The following KLF13 variants were observed in gnomAD, a reference collection of about 807,000 sequenced individuals.
KLF13 encodes Krueppel-like factor 13.
In KLF13, 8 loss-of-function variants were observed where a neutral mutation model predicts 16.7. The ratio of observed to expected loss-of-function variants is 0.48; its 90% CI spans 0.28 to 0.87. The LOEUF is 0.87. Ranked by LOEUF, KLF13 falls within the 40% of genes least tolerant of loss-of-function variation. The pLI is 0.10. For synonymous variants in KLF13, 245 were observed against 208.4 expected, an observed-to-expected ratio of 1.18 and a Z score of -1.51; for missense variants, 447 against 452.2, an observed-to-expected ratio of 0.99 and a Z score of 0.10.
At chr15:31,332,278 G>A (rs914597132) in intron 1 of KLF13, among the ~76,000 whole-genome samples, 1 of 152,228 alleles carries the variant, frequency 6.6e-6, no homozygotes, top group Non-Finnish European at 1.5e-5. Context: ...ATTGTGTCAC[G>A]ACTCCACCTT....
At chr15:31,431,254 C>T (rs2040468028) in intron 1 of KLF13, among the ~76,000 whole-genome samples, 1 of 151,996 alleles carries the variant, frequency 6.6e-6, no homozygotes, top group Non-Finnish European at 1.5e-5. Context: ...GACTTACAGC[C>T]TCCAGAACTG....
chr15:31,416,915 T>C (rs2040262304), intron 1 of KLF13, among the ~76,000 whole-genome samples: 1 of 152,206 alleles, frequency 6.6e-6, no homozygotes, highest in African/African-American at 2.4e-5. Flanking sequence ...TACTCCCCAA[T>C]GTAAAGCATT....
At chr15:31,435,231 C>T (rs935032835) in intron 1 of KLF13, 6 of 152,052 alleles carry the variant, frequency 3.9e-5, no homozygotes, top group African/African-American at 1.5e-4. Flanking sequence ...GGGGACAGCT[C>T]GGGCTTTCTC....
chr15:31,400,927 A>G (rs1172140098), intron 2 of KLF13, among the ~76,000 whole-genome samples: 1 of 152,130 alleles, frequency 6.6e-6, no homozygotes. Flanking sequence ...GAAGCGTCGC[A>G]TCGCTATCAT....
chr15:31,411,930 A>C (rs2040200677), intron 1 of KLF13, among the ~76,000 whole-genome samples: 1 of 152,236 alleles, frequency 6.6e-6, no homozygotes, highest in Non-Finnish European at 1.5e-5. Context: ...CCCAAGGATC[A>C]GACACAAGTC....
At chr15:31,353,736 T>C (rs1268192568) in intron 1 of KLF13, among the ~76,000 whole-genome samples, 1 of 152,090 alleles carries the variant, frequency 6.6e-6, no homozygotes, top group South Asian at 2.1e-4. Flanking sequence ...GTTCCAACAG[T>C]GAGCTGGCAG....
At chr15:31,388,927 C>T (rs1028933719), upstream of KLF13, among the ~76,000 whole-genome samples, 6 of 150,394 alleles carry the variant, frequency 4.0e-5, no homozygotes, top group Non-Finnish European at 8.8e-5. Flanking sequence ...TTATTCCCTT[C>T]AGTGTTAATA....
At chr15:31,354,086 A>G (rs897153335) in intron 1 of KLF13, among the ~76,000 whole-genome samples, 65 of 152,244 alleles carry the variant, frequency 4.3e-4, no homozygotes, top group Non-Finnish European at 3.5e-4. Flanking sequence ...GGCCTATCCA[A>G]TCCCTACCCA....
chr15:31,401,774 T>C (rs1210007326), intron 2 of KLF13, among the ~76,000 whole-genome samples: 1 of 152,214 alleles, frequency 6.6e-6, no homozygotes, highest in Non-Finnish European at 1.5e-5. Flanking sequence ...CCAAGGTCTC[T>C]AGCTGTCCTC....
At position 31,344,379 on chromosome 15, in the gene KLF13, G is replaced by A. The variant is rs573200872; in HGVS notation, c.577+16590G>A. Among the ~76,000 whole-genome samples the A allele has an allele frequency of 7.9e-5, 12 of 152,334 alleles. No individual in the cohort carries two copies. In the South Asian group the frequency reaches 2.5e-3, roughly 32 times the overall value. On this transcript the variant is annotated intron_variant, in intron 1 of 1. Coordinates refer to ENST00000307145, the MANE Select transcript of KLF13 (RefSeq NM_015995.4). ...CTCTGAAAACACGCCATGGCTGGAC[G>A]TTTTCATGTGTCTGGCTGGCAAGGG...
At chr15:31,352,272 A>G (rs2039228856) in intron 1 of KLF13, among the ~76,000 whole-genome samples, 1 of 152,200 alleles carries the variant, frequency 6.6e-6, no homozygotes, top group Non-Finnish European at 1.5e-5. Context: ...AGTCCAGGGA[A>G]AGGTGAGATT....
chr15:31,398,026 A>T (rs956483938), intron 2 of KLF13, among the ~76,000 whole-genome samples: 1 of 152,108 alleles, frequency 6.6e-6, no homozygotes, highest in African/African-American at 2.4e-5. Flanking sequence ...GGTTTTACGC[A>T]GTCCGGGGCC....
At chr15:31,423,117 A>ATATATGTATATG (rs2040353383) in intron 1 of KLF13, among the ~76,000 whole-genome samples, 1 of 126,932 alleles carries the variant, frequency 7.9e-6, no homozygotes, top group African/African-American at 3.9e-5. Flanking sequence ...GTATACGTAT[A>ATATATGTATATG]TATACGTATA....
At chr15:31,391,415 G>A (rs916778484), upstream of KLF13, among the ~76,000 whole-genome samples, 1 of 135,814 alleles carries the variant, frequency 7.4e-6, no homozygotes, top group African/African-American at 2.7e-5. Flanking sequence ...GGCTGTGGAG[G>A]GGGGATCTCT....
At chr15:31,414,777 T>C (rs1055162585) in intron 1 of KLF13, among the ~76,000 whole-genome samples, 2 of 152,086 alleles carry the variant, frequency 1.3e-5, no homozygotes, top group African/African-American at 4.8e-5. Flanking sequence ...CTCTCAATGA[T>C]AGAATGATTA....
At chr15:31,350,824 C>T (rs1009974833) in intron 1 of KLF13, among the ~76,000 whole-genome samples, 1 of 152,266 alleles carries the variant, frequency 6.6e-6, no homozygotes, top group Admixed American at 6.5e-5. Context: ...GAGGTGCGCC[C>T]ATGGCCAGGC....
downstream of KLF13, among the ~76,000 whole-genome samples, chr15:31,382,087 C>A (rs1392377702): frequency 6.6e-6 from 1 of 152,364 alleles, no homozygotes; most frequent in East Asian, 1.9e-4. Context: ...ATGCTGGGAA[C>A]TGTACCCATG....
At chr15:31,435,232 G>A (rs1056322601) in intron 1 of KLF13, 1 of 152,212 alleles carries the variant, frequency 6.6e-6, no homozygotes, top group African/African-American at 2.4e-5. Context: ...GGGACAGCTC[G>A]GGCTTTCTCT....
intron 1 of KLF13, among the ~76,000 whole-genome samples, chr15:31,410,305 A>G (rs1411167240): frequency 6.6e-6 from 1 of 152,070 alleles, no homozygotes; most frequent in Non-Finnish European, 1.5e-5. Flanking sequence ...CAGCAACCCA[A>G]AAGACTGCAT....
Sources: gnomAD v4.1 joint callset for allele counts (sites outside exome capture counted in the v4.1 genomes callset) on GRCh38, gnomAD v4.1.1 for gene constraint, MANE v1.5 for transcripts, NCBI Gene and HGNC (gene_info 2026-07-23, HGNC 2026-07-21) for gene names.